ADAMTS19: variants seen among roughly 807,000 people sequenced by gnomAD.
ADAMTS19 encodes A disintegrin and metalloproteinase with thrombospondin motifs 19.
Under a neutral mutation model 153.3 loss-of-function variants are expected in ADAMTS19, and 93 were observed. The ratio of observed to expected loss-of-function variants is 0.61; its 90% CI spans 0.51 to 0.72. The LOEUF is 0.72. Among genes scored for constraint, ADAMTS19 ranks in the 30% least tolerant of loss-of-function variants. The probability of loss-of-function intolerance (pLI) is 0.00; values close to 1 mark genes in which losing one functional copy is unlikely to be tolerated. For missense variants in ADAMTS19, 1,482 were observed against 1,552.1 expected (o/e 0.95, Z 0.76); for synonymous variants, 600 against 556.6 (o/e 1.08, Z -1.10).
intron 7 of ADAMTS19, among the ~76,000 whole-genome samples, chr5:129,575,179 T>C (rs1754056413): frequency 6.6e-6 from 1 of 152,032 alleles, no homozygotes; most frequent in Admixed American, 6.6e-5. Context: ...TGATTAAAAA[T>C]TGGAATGGTG....
intron 16 of ADAMTS19, among the ~76,000 whole-genome samples, chr5:129,670,815 A>T (rs988703862): frequency 1.3e-5 from 2 of 152,112 alleles, no homozygotes; most frequent in African/African-American, 4.8e-5. Context: ...AATTCTACTA[A>T]ATCCCATCAT....
At position 129,712,003 on chromosome 5, in the gene ADAMTS19, AT is replaced by A. The variant is rs202001263; in HGVS notation, c.3312+7621del. Among the ~76,000 whole-genome samples, 68 of 151,596 alleles carry A rather than the reference AT, an allele frequency of 4.5e-4. 3 individuals are homozygous for A. In the East Asian group the frequency reaches 7.2e-3, roughly 16 times the overall value. Reference sequence around the variant, plus strand: ...CAACTTTCAAAGAATAGTTATGTAAATTTTTTTTTCTAGCTAGAGAAAATGT... The same window carrying A: ...CAACTTTCAAAGAATAGTTATGTAAATTTTTTTTCTAGCTAGAGAAAATGT... On this transcript the variant is annotated intron_variant, in intron 21 of 22. Transcript: ENST00000274487.
intron 7 of ADAMTS19, among the ~76,000 whole-genome samples, chr5:129,586,730 C>T (rs979870703): frequency 6.6e-6 from 1 of 152,194 alleles, no homozygotes; most frequent in Non-Finnish European, 1.5e-5. Flanking sequence ...AATTGCCAAA[C>T]TACCTTCCAA....
intron 6 of ADAMTS19, among the ~76,000 whole-genome samples, chr5:129,532,846 C>T (rs1236769759): frequency 6.6e-6 from 1 of 152,120 alleles, no homozygotes; most frequent in Non-Finnish European, 1.5e-5. Flanking sequence ...CGCCTGTAAT[C>T]CCAGCAATTT....
At chr5:129,710,807 A>G (rs899458782) in intron 21 of ADAMTS19, among the ~76,000 whole-genome samples, 11 of 152,226 alleles carry the variant, frequency 7.2e-5, no homozygotes, top group African/African-American at 9.6e-5. Context: ...CCTTGATACA[A>G]TCAAGAATAT....
intron 6 of ADAMTS19, among the ~76,000 whole-genome samples, chr5:129,545,094 G>T (rs2126806956): frequency 6.6e-6 from 1 of 151,894 alleles, no homozygotes; most frequent in African/African-American, 2.4e-5. Context: ...GCATATTAAA[G>T]AAAAATAATT....
rs985753337 is a variant in ADAMTS19 at position 129,658,243 on chromosome 5, G to A, written c.2305-374G>A. Among the ~76,000 whole-genome samples the A allele has an allele frequency of 5.3e-5, 8 of 151,454 alleles. No individual in the cohort carries two copies. The East Asian group carries it at 1.4e-3, about 26-fold the overall frequency. On this transcript the variant is annotated intron_variant, in intron 14 of 22. Transcript: ENST00000274487. ...AGAGGTTGCAGTGAGCCGAGATGGA[G>A]CCTCTGCACTCCAGCCTAGGTGACA...
chr5:129,637,879 A>G (rs777634828), intron 10 of ADAMTS19, among the ~76,000 whole-genome samples: 7 of 151,944 alleles, frequency 4.6e-5, no homozygotes, highest in Non-Finnish European at 1.0e-4. Flanking sequence ...CAAACCAACT[A>G]CCACATGTTC....
At position 129,675,141 on chromosome 5, in the gene ADAMTS19, T is replaced by C. The variant is rs114737305; in HGVS notation, c.2507-4623T>C. On this transcript the variant is annotated intron_variant, in intron 16 of 22. Coordinates refer to ENST00000274487, the MANE Select transcript of ADAMTS19 (RefSeq NM_133638.6). ...ATTGTTAAATCTTTTACCCCTGTTT[T>C]AACGTGCTTTTTTCTCTCTAGGCAC... is the stretch of plus-strand genomic sequence containing the variant. Among the ~76,000 whole-genome samples the C allele has an allele frequency of 4.3e-3, 649 of 152,322 alleles. 5 individuals carry two copies. Among genetic ancestry groups the C allele is most frequent in the African/African-American group, 0.015 (622 of 41,580 alleles).
In ADAMTS19 at chr5:129,647,030, A is replaced by G. The variant is rs375509106; in HGVS notation, c.1873-735A>G. The stretch of plus-strand genomic sequence containing the variant: ...TTTTCAGTGAATGAAAAAATAAAAT[A>G]AAAATAAAAAAGAGAATGACTACAC... On this transcript the variant is annotated intron_variant, in intron 11 of 22. Coordinates refer to ENST00000274487, the MANE Select transcript of ADAMTS19 (RefSeq NM_133638.6). Among the ~76,000 whole-genome samples, 7 of 152,264 alleles carry G rather than the reference A, an allele frequency of 4.6e-5. No individual in the cohort carries two copies. In the East Asian group the frequency reaches 1.4e-3, roughly 29 times the overall value.
At position 129,611,045 on chromosome 5, in the gene ADAMTS19, G is replaced by C. The variant is rs187775721; in HGVS notation, c.1479-9573G>C. On this transcript the variant is annotated intron_variant, in intron 8 of 22. Transcript: ENST00000274487. ...TTGCATTTGTCTGATGGCCAGTGAT[G>C]ATGAGCATTTTTTCACGTCTGTTGG... Among the ~76,000 whole-genome samples, 134 of 152,304 alleles carry C rather than the reference G, an allele frequency of 8.8e-4. 1 individual carries two copies. Among genetic ancestry groups the C allele is most frequent in the Admixed American group, 4.8e-3 (73 of 15,298 alleles).
intron 2 of ADAMTS19, among the ~76,000 whole-genome samples, chr5:129,498,728 T>A (rs1751004563): frequency 6.6e-6 from 1 of 152,036 alleles, no homozygotes; most frequent in African/African-American, 2.4e-5. Context: ...TCTTTCACTT[T>A]AGTTATTGCT....
At chr5:129,596,418 CA>C in intron 7 of ADAMTS19, 140 bp from the exon 8 acceptor site, 1 of 534,460 alleles carries the variant, frequency 1.9e-6, no homozygotes, top group Non-Finnish European at 3.1e-6. Flanking sequence ...CCTAAAATTT[CA>C]TTTATTAGGG....
intron 8 of ADAMTS19, among the ~76,000 whole-genome samples, chr5:129,607,666 T>C (rs1281557111): frequency 6.6e-6 from 1 of 152,214 alleles, no homozygotes; most frequent in East Asian, 1.9e-4. Context: ...TAAGATAAAC[T>C]GTATGAAAAT....
intron 8 of ADAMTS19, among the ~76,000 whole-genome samples, chr5:129,603,257 G>A (rs1430663923): frequency 1.3e-5 from 2 of 152,190 alleles, no homozygotes; most frequent in Non-Finnish European, 2.9e-5. Context: ...GAAGTTGCGT[G>A]TGAGTTGCCA....
chr5:129,528,366 A>G lies in ADAMTS19; in HGVS notation c.1171-154A>G, dbSNP rs527484891. ...AGTTTTAAGCTTTTAAGCTCAGGGT[A>G]AATTAAACCTGCATGTCTTCCAGGT... On this transcript the variant is annotated intron_variant, in intron 5 of 22. Coordinates refer to ENST00000274487, the MANE Select transcript of ADAMTS19 (RefSeq NM_133638.6). 2.8e-4 allele frequency among the ~76,000 whole-genome samples: 43 copies of G among 152,170 alleles called. 1 individual carries two copies. The South Asian group carries it at 7.7e-3, about 27-fold the overall frequency.
At chr5:129,649,608 G>A (rs1489908426) in intron 13 of ADAMTS19, among the ~76,000 whole-genome samples, 1 of 152,158 alleles carries the variant, frequency 6.6e-6, no homozygotes, top group East Asian at 1.9e-4. Context: ...GGTAGAATGA[G>A]GAAGATCTTT....
chr5:129,580,045 AT>A (rs1439854009), intron 7 of ADAMTS19, among the ~76,000 whole-genome samples: 6 of 152,000 alleles, frequency 3.9e-5, no homozygotes, highest in Non-Finnish European at 8.8e-5. Flanking sequence ...CATTTTCACG[AT>A]ATTGATTCTT....
chr5:129,712,020 G>A (rs1756503386), intron 21 of ADAMTS19, among the ~76,000 whole-genome samples: 1 of 151,910 alleles, frequency 6.6e-6, no homozygotes, highest in South Asian at 2.1e-4. Context: ...TTTCTAGCTA[G>A]AGAAAATGTG....
Sources: allele counts gnomAD v4.1 joint callset (sites outside exome capture counted in the v4.1 genomes callset), GRCh38; gene constraint gnomAD v4.1.1; transcripts MANE v1.5; gene names NCBI Gene and HGNC (gene_info 2026-07-23, HGNC 2026-07-21).